Variants in IGSF11 observed in about 807,000 individuals in gnomAD.
IGSF11 encodes the protein immunoglobulin superfamily member 11, also known as CXADR like 1.
A neutral mutation model predicts 41.0 loss-of-function variants in IGSF11; 22 were observed. The observed-to-expected ratio is 0.54, with a 90% confidence interval of 0.38 to 0.77. The LOEUF (loss-of-function observed/expected upper bound fraction) is 0.77. Ranked by LOEUF, IGSF11 falls within the 30% of genes least tolerant of loss-of-function variation. The pLI is 0.00. For missense variants in IGSF11, 444 were observed against 530.8 expected (o/e 0.84, Z 1.61); for synonymous variants, 219 against 201.3 (o/e 1.09, Z -0.74).
intron 1 of IGSF11, among the ~76,000 whole-genome samples, chr3:118,960,090 T>C (rs2107599604): frequency 6.6e-6 from 1 of 151,874 alleles, no homozygotes; most frequent in South Asian, 2.1e-4. Context: ...ACAAAAAGGT[T>C]ATACACCCAG....
At chr3:119,068,145 T>C (rs1219164982) in intron 1 of IGSF11, among the ~76,000 whole-genome samples, 2 of 152,224 alleles carry the variant, frequency 1.3e-5, no homozygotes, top group African/African-American at 2.4e-5. Flanking sequence ...ATGCCTATCA[T>C]GTTCCATGCT....
At chr3:118,928,841 T>C (rs949273664) in intron 2 of IGSF11, 125 bp from the exon 3 acceptor site, 13 of 689,892 alleles carry the variant, frequency 1.9e-5, no homozygotes. Flanking sequence ...TCTAATATGA[T>C]AATTATCATC....
At position 119,034,626 on chromosome 3, in the gene IGSF11, G is replaced by T. The variant is rs1348897704; in HGVS notation, c.-44C>A. Reference sequence around the variant, plus strand: ...GCGCCTGCCTCCTACCCGGCTCCCGGTCGCAACAGGAGAGGAGCGGGCGTG... The same window carrying T: ...GCGCCTGCCTCCTACCCGGCTCCCGTTCGCAACAGGAGAGGAGCGGGCGTG... On this transcript the variant is annotated 5_prime_UTR_variant, in exon 1 of 7. Transcript: ENST00000393775. The T allele has an allele frequency of 6.5e-7, 1 of 1,550,314 alleles. No individual in the cohort carries two copies. Among genetic ancestry groups the T allele is most frequent in the Admixed American group, 1.9e-5 (1 of 51,748 alleles).
At chr3:118,941,015 G>A (rs1235091227) in intron 1 of IGSF11, among the ~76,000 whole-genome samples, 1 of 151,302 alleles carries the variant, frequency 6.6e-6, no homozygotes, top group Admixed American at 6.6e-5. Context: ...AAAACTTCTG[G>A]AAGAAAACAC....
chr3:119,073,044 T>C (rs949451247), intron 1 of IGSF11, among the ~76,000 whole-genome samples: 1 of 152,154 alleles, frequency 6.6e-6, no homozygotes, highest in African/African-American at 2.4e-5. Flanking sequence ...AACCTTGAGC[T>C]AGACACAGCA....
chr3:118,986,039 G>A (rs1237544542), intron 1 of IGSF11, among the ~76,000 whole-genome samples: 2 of 152,178 alleles, frequency 1.3e-5, no homozygotes, highest in Admixed American at 6.5e-5. Flanking sequence ...GTCACAAACT[G>A]CAATTAAGCA....
At chr3:119,029,986 G>A (rs1180432611) in intron 1 of IGSF11, among the ~76,000 whole-genome samples, 6 of 152,134 alleles carry the variant, frequency 3.9e-5, no homozygotes, top group African/African-American at 1.4e-4. Context: ...ACTACCATTA[G>A]TGGCTGCTAA....
intron 1 of IGSF11, among the ~76,000 whole-genome samples, chr3:119,047,107 G>C (rs1288502155): frequency 2.0e-5 from 3 of 147,176 alleles, no homozygotes; most frequent in African/African-American, 7.6e-5. Context: ...AAAATCACCA[G>C]CTAACATCAT....
rs997985986 is a variant in IGSF11 at position 119,140,810 on chromosome 3, G to A, written c.-14+5003C>T. On this transcript the variant is annotated intron_variant, in intron 1 of 7. Coordinates refer to the IGSF11 transcript ENST00000425327. ...TGTAATCCTAGCACTTTGGGAGGCC[G>A]AGGAGGGTGGATCACCTGAGGTCAG... Among the ~76,000 whole-genome samples the A allele has an allele frequency of 1.3e-4, 19 of 151,864 alleles. 1 individual carries two copies. Among genetic ancestry groups the A allele is most frequent in the East Asian group, 3.9e-4 (2 of 5,182 alleles).
At position 119,058,722 on chromosome 3, in the gene IGSF11, C is replaced by A. The variant is rs1188228900; in HGVS notation, c.49+46422G>T. The stretch of plus-strand genomic sequence containing the variant: ...CACAATAGCAAAGACTTGGAACCAA[C>A]CCAAATGTCCAACAATGATAGACTG... On this transcript the variant is annotated intron_variant, in intron 1 of 6. Coordinates refer to the IGSF11 transcript ENST00000354673. 2.0e-5 allele frequency among the ~76,000 whole-genome samples: 3 copies of A among 152,222 alleles called. No homozygotes were observed. In the East Asian group the frequency reaches 5.8e-4, roughly 29 times the overall value.
chr3:118,915,306 C>G (rs1476024828), intron 4 of IGSF11, among the ~76,000 whole-genome samples: 1 of 127,474 alleles, frequency 7.8e-6, no homozygotes, highest in Non-Finnish European at 1.6e-5. Flanking sequence ...TCAAATTACT[C>G]TGAGCTACGG....
intron 4 of IGSF11, 79 bp downstream of exon 4, chr3:118,926,022 C>A: frequency 9.1e-7 from 1 of 1,104,266 alleles, no homozygotes; most frequent in South Asian, 2.7e-5. Flanking sequence ...TTTTCAAAAC[C>A]TATTAAAGTT....
At chr3:118,963,011 A>G (rs1199729202) in intron 1 of IGSF11, among the ~76,000 whole-genome samples, 1 of 152,186 alleles carries the variant, frequency 6.6e-6, no homozygotes, top group Non-Finnish European at 1.5e-5. Context: ...GAGCAGTGCC[A>G]CTTTGCTGAC....
chr3:118,986,921 G>C (rs1402535566), intron 1 of IGSF11, among the ~76,000 whole-genome samples: 2 of 152,144 alleles, frequency 1.3e-5, no homozygotes, highest in Non-Finnish European at 2.9e-5. Flanking sequence ...TGGGTAATGA[G>C]GTCACTCTAA....
Position 119,034,277 on chromosome 3 carries a change from C to G in IGSF11, c.52+254G>C, listed in dbSNP as rs952464733. ...GCGCAGCGAGGTGAGAGTCAGGGCC[C>G]GGCCTGGGACCGGAGGTAGCCGGAC... On this transcript the variant is annotated intron_variant, in intron 1 of 6. Transcript: ENST00000393775. 4.6e-5 allele frequency among the ~76,000 whole-genome samples: 7 copies of G among 152,312 alleles called. 1 individual carries two copies. Among genetic ancestry groups the G allele is most frequent in the East Asian group, 1.9e-4 (1 of 5,172 alleles).
intron 1 of IGSF11, among the ~76,000 whole-genome samples, chr3:118,935,244 T>C (rs77591024): frequency 0.085 from 12,236 of 144,096 alleles, 584 homozygotes; most frequent in East Asian, 0.12. Context: ...TACATATATA[T>C]ATGTATATAT....
chr3:118,984,585 G>A (rs1038315483), intron 1 of IGSF11, among the ~76,000 whole-genome samples: 3 of 152,078 alleles, frequency 2.0e-5, no homozygotes, highest in Non-Finnish European at 2.9e-5. Flanking sequence ...AATTTCAAGG[G>A]AGCCAGAACA....
rs889342334 is a variant in IGSF11, at chr3:118,919,284, C to T, written c.580+6817G>A. Among the ~76,000 whole-genome samples, 87 of 141,328 alleles carry T rather than the reference C, an allele frequency of 6.2e-4. 1 individual carries two copies. In the South Asian group the frequency reaches 7.3e-3, roughly 12 times the overall value. The allele number at this position is 141,328 out of a possible 152,430, so 92.7% of individuals were successfully genotyped here. A position where few individuals can be genotyped will look rare whatever the true frequency, so the allele number is the denominator to read the frequency against. ...GGGATCTAATTAAACTAAAGAGTTT[C>T]TGCACAGCAAAAGAAACTACCATCA... is the stretch of plus-strand genomic sequence containing the variant. On this transcript the variant is annotated intron_variant, in intron 4 of 6. Coordinates refer to ENST00000393775, the MANE Select transcript of IGSF11 (RefSeq NM_001015887.3).
At chr3:119,069,551 C>G (rs1194874614) in intron 1 of IGSF11, among the ~76,000 whole-genome samples, 1 of 151,858 alleles carries the variant, frequency 6.6e-6, no homozygotes, top group Non-Finnish European at 1.5e-5. Context: ...ATAATAAAAC[C>G]CATGATACCC....
Sources: allele counts gnomAD v4.1 joint callset (sites outside exome capture counted in the v4.1 genomes callset), GRCh38; gene constraint gnomAD v4.1.1; transcripts MANE v1.5; gene names NCBI Gene and HGNC (gene_info 2026-07-23, HGNC 2026-07-21).